Variants in CLPTM1L observed in about 807,000 individuals in gnomAD.
CLPTM1L encodes lipid scramblase CLPTM1L.
A neutral mutation model predicts 70.9 loss-of-function variants in CLPTM1L; 38 were observed. The ratio of observed to expected loss-of-function variants is 0.54; its 90% CI spans 0.41 to 0.70. The LOEUF (loss-of-function observed/expected upper bound fraction) is 0.70, where lower values mean the gene tolerates loss of function less well. Among genes scored for constraint, CLPTM1L ranks in the 30% least tolerant of loss-of-function variants. The pLI is 0.00. For synonymous variants in CLPTM1L, 339 were observed against 299.9 expected (o/e 1.13, Z -1.35); for missense variants, 652 against 705.9 (o/e 0.92, Z 0.87).
intron 7 of CLPTM1L, among the ~76,000 whole-genome samples, chr5:1,333,643 G>GA (rs1753323300): frequency 2.1e-5 from 1 of 48,108 alleles, no homozygotes; most frequent in African/African-American, 1.1e-4. Flanking sequence ...GGATAAGGGG[G>GA]ACTACTGTAT....
chr5:1,328,641 TACAG>T (rs1752819285), intron 9 of CLPTM1L, among the ~76,000 whole-genome samples: 3 of 151,268 alleles, frequency 2.0e-5, no homozygotes, highest in African/African-American at 4.9e-5. Flanking sequence ...GCTCCTCCTC[TACAG>T]ACAGTTTTCT....
rs551935634 is a variant in CLPTM1L at position 1,338,041 on chromosome 5, G to A, written c.600-59C>T. 1.3e-3 allele frequency: 1,838 copies of A among 1,369,068 alleles called. 2 individuals carry two copies. Among genetic ancestry groups the A allele is most frequent in the Admixed American group, 1.7e-3 (87 of 51,074 alleles). 84.8% of individuals were successfully genotyped at this position (1,369,068 alleles called of 1,614,324 possible). On this transcript the variant is annotated intron_variant, in intron 4 of 16. Transcript: ENST00000320895. ...CCAAGGCTTTTACCTTTCAATGAAT[G>A]AACACATCCAGACACTGGGTTTACC... is the stretch of plus-strand genomic sequence containing the variant.
rs1267859143 is a variant in CLPTM1L, at chr5:1,341,796, G to C, written c.328C>G (p.Leu110Val). The change falls in exon 3 of 17, where the codon CTC (leucine) becomes GTC (valine). Residue 110 changes from leucine (L) to valine (V), a missense_variant. By Grantham distance (32) the Leu-to-Val change is conservative. Around this residue, in one of 3 missense-constraint regions of CLPTM1L, gnomAD observed 402 missense variants for 388.2 expected, o/e 1.04. Coordinates refer to ENST00000320895, the MANE Select transcript of CLPTM1L (RefSeq NM_030782.5). ...NNGTLYAYIFLHHAGVLPWHD... is the reference protein window; with the variant it reads ...NNGTLYAYIFVHHAGVLPWHD... ...CACGGCAGGACCCCAGCGTGATGGA[G>C]GAAGATGTAGGCATACAGCGTCCCA... is the stretch of plus-strand genomic sequence containing the variant. 2 of 1,614,096 alleles carry C rather than the reference G, an allele frequency of 1.2e-6. No homozygotes were observed. The highest frequency in any genetic ancestry group is 4.5e-5 in the East Asian group (2 of 44,878).
At chr5:1,324,480 C>T (rs1321025044) in intron 11 of CLPTM1L, among the ~76,000 whole-genome samples, 2 of 152,256 alleles carry the variant, frequency 1.3e-5, no homozygotes, top group African/African-American at 4.8e-5. Context: ...TGGCCTGCGT[C>T]AGCTGCCTGG....
At chr5:1,333,534 T>C (rs1217189333) in intron 7 of CLPTM1L, among the ~76,000 whole-genome samples, 17 of 127,480 alleles carry the variant, frequency 1.3e-4, no homozygotes, top group African/African-American at 5.1e-4. Flanking sequence ...CAGATGAGGA[T>C]AAGGGGGGAC....
Position 1,342,039 on chromosome 5 carries a change from T to TGCGC in CLPTM1L, c.264-180_264-179insGCGC, listed in dbSNP as rs71309294. 3.9e-3 allele frequency among the ~76,000 whole-genome samples: 575 copies of TGCGC among 149,080 alleles called. 4 individuals carry two copies. The highest frequency in any genetic ancestry group is 9.0e-3 in the South Asian group (43 of 4,752). Reference sequence around the variant, plus strand: ...GTGTGTGTGTGTGTGTGTGTGTGTGTGCACGCGCACGCGTGCGCGTCCTGA... The same window carrying TGCGC: ...GTGTGTGTGTGTGTGTGTGTGTGTGTGCGCGCACGCGCACGCGTGCGCGTCCTGA... On this transcript the variant is annotated intron_variant, in intron 2 of 16. Transcript: ENST00000320895. The surrounding 1 kb of genome is among the most constrained non-coding windows in gnomAD (Gnocchi z 4.3).
At position 1,338,961 on chromosome 5, in the gene CLPTM1L, T is replaced by G. The variant is rs1328743280; in HGVS notation, c.498A>C (p.Pro166=). 10 of 1,613,278 alleles carry G rather than the reference T, an allele frequency of 6.2e-6. No individual in the cohort carries two copies. Among genetic ancestry groups the G allele is most frequent in the African/African-American group, 5.3e-5 (4 of 74,956 alleles). The change falls in exon 4 of 17, where the codon CCA becomes CCC. Residue 166 remains proline (P), a synonymous_variant. Coordinates refer to ENST00000320895, the MANE Select transcript of CLPTM1L (RefSeq NM_030782.5). The part of the protein sequence containing the change: ...EKKPTSALDE[P]VSHWRPRLAL... ...CCAGCCGCGGTCGCCAGTGGGACACTGGCTCATCCAGGGCACTCGTCGGCT... is the reference window on the plus strand; with the variant it reads ...CCAGCCGCGGTCGCCAGTGGGACACGGGCTCATCCAGGGCACTCGTCGGCT...
chr5:1,328,724 CCT>C (rs1752830742), intron 9 of CLPTM1L, among the ~76,000 whole-genome samples: 47 of 150,100 alleles, frequency 3.1e-4, no homozygotes, highest in African/African-American at 9.5e-4. Flanking sequence ...TCCAGCTCCT[CCT>C]CTACAGACAC....
Position 1,344,674 on chromosome 5 carries a change from G to T in CLPTM1L, c.162+6C>A. 6.4e-7 allele frequency: 1 copy of T among 1,550,642 alleles called. No homozygotes were observed. Among genetic ancestry groups the T allele is most frequent in the Non-Finnish European group, 8.7e-7 (1 of 1,148,124 alleles). ...CCGCCCGGCCCCCGGCCCCGCGGACGCTCACCTGCAGCTTGGGCCGCCGCG... is the reference window on the plus strand; with the variant it reads ...CCGCCCGGCCCCCGGCCCCGCGGACTCTCACCTGCAGCTTGGGCCGCCGCG... On this transcript the variant is annotated splice_donor_region_variant and intron_variant, in intron 1 of 16. Transcript: ENST00000320895.
chr5:1,338,531 A>T (rs924662838), intron 4 of CLPTM1L, among the ~76,000 whole-genome samples: 14 of 152,374 alleles, frequency 9.2e-5, no homozygotes, highest in South Asian at 6.2e-4. Flanking sequence ...TTAACTTTTA[A>T]GTAAATCTAA....
Position 1,318,505 on chromosome 5 carries a change from T to C in CLPTM1L, c.1533-52A>G, listed in dbSNP as rs759293987. ...GCAAACCCCACTGCAGGGGCTATTT[T>C]TCTAAGAGGAGGACTTGGCATCCTC... On this transcript the variant is annotated intron_variant, in intron 16 of 16. Transcript: ENST00000320895. The surrounding 1 kb of genome is among the most constrained non-coding windows in gnomAD (Gnocchi z 8.9). The C allele has an allele frequency of 3.0e-5, 44 of 1,448,868 alleles. No individual in the cohort carries two copies. Among genetic ancestry groups the C allele is most frequent in the Non-Finnish European group, 4.2e-5 (43 of 1,035,186 alleles). 89.8% of individuals were successfully genotyped at this position (1,448,868 alleles called of 1,614,324 possible). A position where few individuals can be genotyped will look rare whatever the true frequency, so the allele number is the denominator to read the frequency against.
At chr5:1,325,911 C>A in intron 9 of CLPTM1L, 95 bp from the exon 10 acceptor site, 1 of 1,019,206 alleles carries the variant, frequency 9.8e-7, no homozygotes, top group East Asian at 2.4e-5. Flanking sequence ...ACCTGCTGCC[C>A]ATGGCCCCGC....
chr5:1,338,568 G>A (rs568420529), intron 4 of CLPTM1L, among the ~76,000 whole-genome samples: 1 of 152,330 alleles, frequency 6.6e-6, no homozygotes, highest in African/African-American at 2.4e-5. Context: ...AATCACAAGG[G>A]GAGCAAAGCA....
chr5:1,318,127 C>T lies in CLPTM1L; in HGVS notation c.*242G>A. On this transcript the variant is annotated 3_prime_UTR_variant, in exon 17 of 17. Coordinates refer to ENST00000320895, the MANE Select transcript of CLPTM1L (RefSeq NM_030782.5). This position sits in a 1 kb window ranked among gnomAD's most constrained non-coding sequence, Gnocchi z 8.9. ...CGGACACTCGTGTGCCGGGAGCCAC[C>T]ACAGCTCAAGGTGACCGGCAGCACC... The T allele has an allele frequency of 5.7e-6, 3 of 522,984 alleles. No individual in the cohort carries two copies. Among genetic ancestry groups the T allele is most frequent in the Non-Finnish European group, 1.0e-5 (3 of 297,694 alleles). 32.4% of individuals were successfully genotyped at this position (522,984 alleles called of 1,614,324 possible). A position where few individuals can be genotyped will look rare whatever the true frequency, so the allele number is the denominator to read the frequency against.
chr5:1,328,835 C>T (rs1228083271), intron 9 of CLPTM1L, among the ~76,000 whole-genome samples: 1 of 151,562 alleles, frequency 6.6e-6, no homozygotes, highest in Non-Finnish European at 1.5e-5. Flanking sequence ...TTGCATCCAG[C>T]TCCTCCTCTA....
chr5:1,324,976 G>A (rs1313440848), intron 10 of CLPTM1L, 163 bp from the exon 11 acceptor site: 3 of 630,076 alleles, frequency 4.8e-6, no homozygotes, highest in Non-Finnish European at 8.5e-6. Flanking sequence ...CAGAGGACGG[G>A]GATCCGCATG....
At chr5:1,335,002 G>A (rs1753473359) in intron 6 of CLPTM1L, 55 bp downstream of exon 6, 1 of 1,385,742 alleles carries the variant, frequency 7.2e-7, no homozygotes, top group South Asian at 1.2e-5. Context: ...GCACTTGGAT[G>A]CCCGAGGGGC....
At chr5:1,336,128 A>G (rs455433) in intron 5 of CLPTM1L, among the ~76,000 whole-genome samples, 69,522 of 152,118 alleles carry the variant, frequency 0.46, 16,820 homozygotes, top group African/African-American at 0.59. Flanking sequence ...ATCAGTGCAC[A>G]TGGATGGTGG....
intron 5 of CLPTM1L, among the ~76,000 whole-genome samples, 168 bp downstream of exon 5, chr5:1,337,736 C>A (rs1217704625): frequency 6.6e-6 from 1 of 152,208 alleles, no homozygotes; most frequent in Non-Finnish European, 1.5e-5. Flanking sequence ...ACCAGGGCCC[C>A]CCTGTCACAA....
Sources: gnomAD v4.1 joint callset for allele counts (sites outside exome capture counted in the v4.1 genomes callset) on GRCh38, gnomAD v4.1.1 for gene constraint, gnomAD v4.1.1 regional missense constraint, Gnocchi (gnomAD v3.1) non-coding constraint, MANE v1.5 for transcripts, NCBI Gene and HGNC (gene_info 2026-07-23, HGNC 2026-07-21) for gene names.